The following THRB variants were observed in gnomAD, a reference collection of about 807,000 sequenced individuals.
THRB encodes the protein nuclear receptor subfamily 1 group A member 2.
In THRB, 12 loss-of-function variants were observed where a neutral mutation model predicts 47.8. The ratio of observed to expected loss-of-function variants is 0.25; its 90% CI spans 0.16 to 0.41. THRB has a LOEUF of 0.41. Ranked by LOEUF, THRB falls within the 10% of genes least tolerant of loss-of-function variation. THRB has a pLI of 1.00. For missense variants in THRB, 348 were observed against 589.2 expected, an observed-to-expected ratio of 0.59 and a Z score of 4.24; for synonymous variants, 218 against 212.2, an observed-to-expected ratio of 1.03 and a Z score of -0.24.
At chr3:24,296,313 G>A (rs773854773) in intron 3 of THRB, among the ~76,000 whole-genome samples, 97 of 152,222 alleles carry the variant, frequency 6.4e-4, no homozygotes, top group Non-Finnish European at 1.0e-3. Flanking sequence ...GACATTTATT[G>A]AGTCAAAAGG....
Position 24,135,846 on chromosome 3 carries a change from T to TATATATATATATAA in THRB, c.739-2385_739-2384insTTATATATATATAT, listed in dbSNP as rs1231598841. On this transcript the variant is annotated intron_variant, in intron 8 of 10. Transcript: ENST00000646209. ...ATATATATATATATATATATATATATAATACATAAATATATATTAATTACA... is the reference window on the plus strand; with the variant it reads ...ATATATATATATATATATATATATATATATATATATATAAAATACATAAATATATATTAATTACA... 3.5e-3 allele frequency among the ~76,000 whole-genome samples: 421 copies of TATATATATATATAA among 121,106 alleles called. 8 individuals carry two copies. The highest frequency in any genetic ancestry group is 0.013 in the African/African-American group (390 of 30,508). 79.5% of individuals were successfully genotyped at this position (121,106 alleles called of 152,430 possible). A position where few individuals can be genotyped will look rare whatever the true frequency, so the allele number is the denominator to read the frequency against.
chr3:24,306,188 A>G (rs1032610160), intron 2 of THRB, among the ~76,000 whole-genome samples: 1 of 152,214 alleles, frequency 6.6e-6, no homozygotes, highest in Admixed American at 6.5e-5. Flanking sequence ...GGCATGCAGA[A>G]GGAATACTGG....
chr3:24,268,484 A>C (rs1002188532), intron 3 of THRB, among the ~76,000 whole-genome samples: 1 of 152,232 alleles, frequency 6.6e-6, no homozygotes, highest in Admixed American at 6.5e-5. Flanking sequence ...TTTTAATTTT[A>C]TGGGGATCTT....
intron 3 of THRB, among the ~76,000 whole-genome samples, chr3:24,268,084 A>T (rs6800746): frequency 0.014 from 2,150 of 152,304 alleles, 56 homozygotes; most frequent in African/African-American, 0.048. Context: ...CAATGAGACA[A>T]ATATCTACAA....
At chr3:24,441,941 C>T (rs4330216) in intron 1 of THRB, among the ~76,000 whole-genome samples, 140,066 of 152,178 alleles carry the variant, frequency 0.92, 65,425 homozygotes, top group Non-Finnish European at 1. Flanking sequence ...TCTGCAGATA[C>T]GTGAGGATCC....
At chr3:24,153,259 G>C (rs1244779804) in intron 5 of THRB, among the ~76,000 whole-genome samples, 1 of 152,164 alleles carries the variant, frequency 6.6e-6, no homozygotes, top group Non-Finnish European at 1.5e-5. Context: ...GAAGAAACAG[G>C]CCTGCAGAGG....
chr3:24,421,244 G>A, intron 1 of THRB, among the ~76,000 whole-genome samples: 1 of 151,566 alleles, frequency 6.6e-6, no homozygotes, highest in Admixed American at 6.6e-5. Context: ...ATAACTAATG[G>A]GTACTAGGCT....
At chr3:24,198,354 G>A (rs1387724540) in intron 4 of THRB, among the ~76,000 whole-genome samples, 1 of 151,118 alleles carries the variant, frequency 6.6e-6, no homozygotes, top group African/African-American at 2.4e-5. Context: ...TGGTGTGAAA[G>A]TACTTCACAA....
intron 5 of THRB, chr3:24,164,884 A>G (rs1448514004): frequency 1.7e-6 from 1 of 593,632 alleles, no homozygotes; most frequent in Non-Finnish European, 3.0e-6. Context: ...ATCACCTAGC[A>G]ACCCCTCTTA....
chr3:24,171,632 C>T (rs1044211181), intron 5 of THRB, among the ~76,000 whole-genome samples: 2 of 152,108 alleles, frequency 1.3e-5, no homozygotes, highest in African/African-American at 4.8e-5. Context: ...TAGGTGGGGC[C>T]TTTATTTTCC....
intron 4 of THRB, among the ~76,000 whole-genome samples, chr3:24,215,051 T>C (rs2046421530): frequency 6.6e-6 from 1 of 152,254 alleles, no homozygotes; most frequent in Non-Finnish European, 1.5e-5. Flanking sequence ...TAGTTTATTC[T>C]ATCTAGAATT....
chr3:24,426,607 C>A (rs1225729030), intron 1 of THRB, among the ~76,000 whole-genome samples: 1 of 151,916 alleles, frequency 6.6e-6, no homozygotes, highest in African/African-American at 2.4e-5. Flanking sequence ...AGGTTTATGT[C>A]GTTTCCTCTC....
At chr3:24,350,346 C>T (rs2149530774) in intron 1 of THRB, among the ~76,000 whole-genome samples, 1 of 152,158 alleles carries the variant, frequency 6.6e-6, no homozygotes, top group Non-Finnish European at 1.5e-5. Context: ...CAACTTCACT[C>T]CCAAACCTAA....
chr3:24,149,834 C>T (rs1199608577), intron 6 of THRB, among the ~76,000 whole-genome samples: 1 of 152,070 alleles, frequency 6.6e-6, no homozygotes, highest in African/African-American at 2.4e-5. Flanking sequence ...TTAAAAAAAT[C>T]CTTTTAGAGA....
intron 3 of THRB, among the ~76,000 whole-genome samples, chr3:24,257,041 G>A (rs915713046): frequency 2.6e-5 from 4 of 152,112 alleles, no homozygotes; most frequent in Admixed American, 6.5e-5. Flanking sequence ...TGTGATAGCT[G>A]TAACTTGTCA....
intron 1 of THRB, among the ~76,000 whole-genome samples, chr3:24,353,566 T>C (rs2063490216): frequency 6.6e-6 from 1 of 152,148 alleles, no homozygotes; most frequent in African/African-American, 2.4e-5. Flanking sequence ...TTTCCTGAAC[T>C]GTGCAGGTCA....
At chr3:24,411,884 G>A (rs1005408351) in intron 1 of THRB, among the ~76,000 whole-genome samples, 2 of 151,900 alleles carry the variant, frequency 1.3e-5, no homozygotes, top group Middle Eastern at 6.8e-3. Flanking sequence ...TCAGAATGCA[G>A]GGATCTGATC....
In THRB at chr3:24,163,208, C is replaced by T. The variant is rs184504773; in HGVS notation, c.284-10718G>A. On this transcript the variant is annotated intron_variant, in intron 5 of 10. Transcript: ENST00000646209. Reference sequence around the variant, plus strand: ...GGGTTTAGTTTTACTGGGATTTACTCGAAGACTTGTAAAAGTAAATAATGG... The same window carrying T: ...GGGTTTAGTTTTACTGGGATTTACTTGAAGACTTGTAAAAGTAAATAATGG... 2.2e-4 allele frequency among the ~76,000 whole-genome samples: 33 copies of T among 152,218 alleles called. No homozygotes were observed. In the East Asian group the frequency reaches 5.4e-3, roughly 25 times the overall value.
intron 4 of THRB, among the ~76,000 whole-genome samples, chr3:24,219,582 T>G (rs1031091194): frequency 5.9e-5 from 9 of 152,214 alleles, no homozygotes; most frequent in Admixed American, 2.6e-4. Flanking sequence ...TACACAGTCC[T>G]CAGGAGTAGA....
Sources: allele counts gnomAD v4.1 joint callset (sites outside exome capture counted in the v4.1 genomes callset), GRCh38; gene constraint gnomAD v4.1.1; transcripts MANE v1.5; gene names NCBI Gene and HGNC (gene_info 2026-07-23, HGNC 2026-07-21).